RASL11B: variants seen among roughly 807,000 people sequenced by gnomAD.
The protein encoded by RASL11B is ras-like protein family member 11B.
RASL11B carries 14 observed loss-of-function variants against 22.9 expected under a neutral mutation model. That is an observed-to-expected ratio of 0.61 (90% CI 0.40 to 0.96). The LOEUF (loss-of-function observed/expected upper bound fraction) is 0.96, where lower values mean the gene tolerates loss of function less well. Ranked by LOEUF, RASL11B falls within the 40% of genes least tolerant of loss-of-function variation. RASL11B has a pLI of 0.00. For missense variants in RASL11B, 261 were observed against 322.0 expected (o/e 0.81, Z 1.45); for synonymous variants, 143 against 130.2 (o/e 1.10, Z -0.67).
At chr4:52,862,889 C>T (rs1718186311) in intron 1 of RASL11B, among the ~76,000 whole-genome samples, 1 of 152,230 alleles carries the variant, frequency 6.6e-6, no homozygotes, top group Non-Finnish European at 1.5e-5. Flanking sequence ...CCGGCACCGC[C>T]GCCATCAGAA....
chr4:52,862,965 CT>C (rs1718188959), intron 1 of RASL11B, among the ~76,000 whole-genome samples: 3 of 152,212 alleles, frequency 2.0e-5, no homozygotes, highest in Admixed American at 1.3e-4. Flanking sequence ...GCTAGCCCCC[CT>C]GGGAGGTCTT....
In RASL11B at chr4:52,862,579, C is replaced by A; in HGVS notation, c.72C>A (p.Cys24Ter). 6.2e-7 allele frequency: 1 copy of A among 1,602,850 alleles called. No individual in the cohort carries two copies. The highest frequency in any genetic ancestry group is 8.5e-7 in the Non-Finnish European group (1 of 1,176,896). Residue 24 changes from cysteine to a stop codon, truncating the protein, a stop_gained, in exon 1 of 4, where the codon TGC (cysteine) becomes TGA (stop). Coordinates refer to ENST00000248706, the MANE Select transcript of RASL11B (RefSeq NM_023940.3). LOFTEE classifies it high-confidence loss of function. ...PAPGNAAASD[C>*]CVGAAGRRLV... The stretch of plus-strand genomic sequence containing the variant: ...CGGGCAACGCCGCGGCCTCCGACTG[C>A]TGTGTGGGCGCCGCCGGCCGCCGCC...
chr4:52,862,492 C>T lies in RASL11B; in HGVS notation c.-16C>T, dbSNP rs2109425461. Reference sequence around the variant, plus strand: ...TCCCTCAGTCCCTTCCCGCGCGGTGCGCCGCAGCCGAGGCGATGCGCCTCA... The same window carrying T: ...TCCCTCAGTCCCTTCCCGCGCGGTGTGCCGCAGCCGAGGCGATGCGCCTCA... On this transcript the variant is annotated 5_prime_UTR_variant, in exon 1 of 4. Transcript: ENST00000248706. The T allele has an allele frequency of 1.2e-6, 2 of 1,600,526 alleles. No individual in the cohort carries two copies. Among genetic ancestry groups the T allele is most frequent in the East Asian group, 2.3e-5 (1 of 43,476 alleles).
intron 1 of RASL11B, among the ~76,000 whole-genome samples, chr4:52,862,935 C>T (rs533516133): frequency 4.1e-4 from 63 of 151,836 alleles, no homozygotes; most frequent in African/African-American, 1.5e-3. Context: ...ATGCCTGGCA[C>T]AGAAAGGGGA....
At position 52,866,112 on chromosome 4, in the gene RASL11B, ATGG is replaced by A. The variant is rs575210895; in HGVS notation, c.*312_*314del. The A allele has an allele frequency of 1.4e-3, 519 of 366,134 alleles. No homozygotes were observed. Among genetic ancestry groups the A allele is most frequent in the Non-Finnish European group, 2.0e-3 (403 of 200,704 alleles). 22.7% of individuals were successfully genotyped at this position (366,134 alleles called of 1,614,324 possible). A position where few individuals can be genotyped will look rare whatever the true frequency, so the allele number is the denominator to read the frequency against. ...GTTTCTGCATTCAACTACCTTGTAAATGGTGGTCCGTTGCAGTTTCACCAAATG... is the reference window on the plus strand; with the variant it reads ...GTTTCTGCATTCAACTACCTTGTAAATGGTCCGTTGCAGTTTCACCAAATG... On this transcript the variant is annotated 3_prime_UTR_variant, in exon 4 of 4. Coordinates refer to ENST00000248706, the MANE Select transcript of RASL11B (RefSeq NM_023940.3).
At chr4:52,863,675 C>A (rs955169854) in intron 2 of RASL11B, 8 of 224,504 alleles carry the variant, frequency 3.6e-5, no homozygotes, top group South Asian at 8.8e-5. Context: ...TCCCTAGCTC[C>A]TTCCCCCACC....
Position 52,865,713 on chromosome 4 carries a change from A to G in RASL11B, c.655A>G (p.Ile219Val), listed in dbSNP as rs758998396. 13 of 1,613,954 alleles carry G rather than the reference A, an allele frequency of 8.1e-6. No individual in the cohort carries two copies. Among genetic ancestry groups the G allele is most frequent in the African/African-American group, 1.3e-5 (1 of 74,898 alleles). ...STPEKRRTSLIPRPKSPNMQD... is the reference protein window; with the variant it reads ...STPEKRRTSLVPRPKSPNMQD... ...ACCCGAGAAGCGAAGAACCTCCCTC[A>G]TTCCCAGGCCCAAGTCACCCAACAT... The change falls in exon 4 of 4, where the codon ATT becomes GTT. Residue 219 changes from isoleucine (I) to valine (V), a missense_variant. Physicochemically the swap from Ile to Val is conservative, Grantham distance 29. Transcript: ENST00000248706.
In RASL11B at chr4:52,862,476, C is replaced by T; in HGVS notation, c.-32C>T. On this transcript the variant is annotated 5_prime_UTR_variant, in exon 1 of 4. Transcript: ENST00000248706. ...CGCTAGCATTCTCCAGTCCCTCAGT[C>T]CCTTCCCGCGCGGTGCGCCGCAGCC... is the stretch of plus-strand genomic sequence containing the variant. The T allele has an allele frequency of 6.3e-7, 1 of 1,599,072 alleles. No individual in the cohort carries two copies. The highest frequency in any genetic ancestry group is 8.5e-7 in the Non-Finnish European group (1 of 1,174,378).
rs199592636 is a variant in RASL11B at position 52,865,681 on chromosome 4, G to A, written c.623G>A (p.Ser208Asn). The A allele has an allele frequency of 6.2e-7, 1 of 1,614,166 alleles. No homozygotes were observed. The highest frequency in any genetic ancestry group is 2.2e-5 in the East Asian group (1 of 44,888). ...GAGGTCAGTCACAAACAGCAGCCTA[G>A]CAGTACACCCGAGAAGCGAAGAACC... ...CKEVSHKQQP[S>N]STPEKRRTSL... Residue 208 changes from serine (S) to asparagine (N), a missense_variant, in exon 4 of 4, where the codon AGC becomes AAC. Coordinates refer to ENST00000248706, the MANE Select transcript of RASL11B (RefSeq NM_023940.3).
rs1718170440 is a variant in RASL11B, at chr4:52,862,345, G to A, written c.-163G>A. ...CTGGGTCTGGAGCCTGAGCCCTGCGGAACCTCGGCGCTCGGCCCCACCCCG... is the reference window on the plus strand; with the variant it reads ...CTGGGTCTGGAGCCTGAGCCCTGCGAAACCTCGGCGCTCGGCCCCACCCCG... On this transcript the variant is annotated 5_prime_UTR_variant, in exon 1 of 4. Coordinates refer to ENST00000248706, the MANE Select transcript of RASL11B (RefSeq NM_023940.3). 1 of 695,170 alleles carries A rather than the reference G, an allele frequency of 1.4e-6. No individual in the cohort carries two copies. The highest frequency in any genetic ancestry group is 2.2e-6 in the Non-Finnish European group (1 of 452,766). The allele number at this position is 695,170 out of a possible 1,614,324, so 43.1% of individuals were successfully genotyped here. A position where few individuals can be genotyped will look rare whatever the true frequency, so the allele number is the denominator to read the frequency against.
chr4:52,865,383 C>A lies in RASL11B; in HGVS notation c.325C>A (p.Arg109Ser), dbSNP rs750534846. The A allele has an allele frequency of 6.2e-7, 1 of 1,614,110 alleles. No individual in the cohort carries two copies. The highest frequency in any genetic ancestry group is 8.5e-7 in the Non-Finnish European group (1 of 1,179,992). ...SCSEQLNRCI[R>S]WADAVVIVFS... ...CAGTGAACAGCTGAATAGGTGCATT[C>A]GCTGGGCAGATGCTGTGGTGATCGT... Residue 109 changes from arginine (R) to serine (S), a missense_variant, in exon 4 of 4, where the codon CGC becomes AGC. By Grantham distance (110) the Arg-to-Ser change is moderately radical. Transcript: ENST00000248706.
chr4:52,866,107 T>G lies in RASL11B; in HGVS notation c.*302T>G. The G allele has an allele frequency of 2.6e-6, 1 of 383,986 alleles. No individual in the cohort carries two copies. Among genetic ancestry groups the G allele is most frequent in the Non-Finnish European group, 4.7e-6 (1 of 211,666 alleles). The allele number at this position is 383,986 out of a possible 1,614,324, so 23.8% of individuals were successfully genotyped here. Reference sequence around the variant, plus strand: ...TTTCGGTTTCTGCATTCAACTACCTTGTAAATGGTGGTCCGTTGCAGTTTC... The same window carrying G: ...TTTCGGTTTCTGCATTCAACTACCTGGTAAATGGTGGTCCGTTGCAGTTTC... On this transcript the variant is annotated 3_prime_UTR_variant, in exon 4 of 4. Transcript: ENST00000248706.
In RASL11B at chr4:52,862,360, G is replaced by GC; in HGVS notation, c.-144dup. 3 of 688,874 alleles carry GC rather than the reference G, an allele frequency of 4.4e-6. No individual in the cohort carries two copies. Among genetic ancestry groups the GC allele is most frequent in the Non-Finnish European group, 6.6e-6 (3 of 454,512 alleles). 42.7% of individuals were successfully genotyped at this position (688,874 alleles called of 1,614,324 possible). Reference sequence around the variant, plus strand: ...GAGCCCTGCGGAACCTCGGCGCTCGGCCCCACCCCGCCCGTACCTGCACTT... The same window carrying GC: ...GAGCCCTGCGGAACCTCGGCGCTCGGCCCCCACCCCGCCCGTACCTGCACTT... On this transcript the variant is annotated 5_prime_UTR_variant, in exon 1 of 4. Coordinates refer to ENST00000248706, the MANE Select transcript of RASL11B (RefSeq NM_023940.3).
At chr4:52,863,057 C>T (rs938083283) in intron 1 of RASL11B, among the ~76,000 whole-genome samples, 2 of 152,070 alleles carry the variant, frequency 1.3e-5, no homozygotes, top group Admixed American at 6.5e-5. Context: ...GCCCAGTGAG[C>T]CTTCCAGCTG....
intron 2 of RASL11B, 148 bp from the exon 3 acceptor site, chr4:52,864,330 A>G (rs1718219407): frequency 1.8e-6 from 1 of 569,386 alleles, no homozygotes. Flanking sequence ...TTTAAAAAAA[A>G]TCTGAAGTAA....
In RASL11B at chr4:52,865,516, A is replaced by G. The variant is rs1489180221; in HGVS notation, c.458A>G (p.Lys153Arg). 1 of 1,614,178 alleles carries G rather than the reference A, an allele frequency of 6.2e-7. No individual in the cohort carries two copies. The highest frequency in any genetic ancestry group is 8.5e-7 in the Non-Finnish European group (1 of 1,180,028). ...CTGCCTGTGGTGGTCGTGGCCAACA[A>G]AGCTGACCTGTTGCACATCAAACAG... Reference protein sequence around the residue: ...TRLPVVVVANKADLLHIKQVD... With the variant: ...TRLPVVVVANRADLLHIKQVD... Residue 153 changes from lysine to arginine, a missense_variant, in exon 4 of 4, where the codon AAA (lysine) becomes AGA (arginine). Physicochemically the swap from Lys to Arg is conservative, Grantham distance 26. Transcript: ENST00000248706.
chr4:52,862,993 T>A (rs1480726348), intron 1 of RASL11B, among the ~76,000 whole-genome samples: 1 of 152,110 alleles, frequency 6.6e-6, no homozygotes, highest in African/African-American at 2.4e-5. Flanking sequence ...TAGGAAGACA[T>A]GGGTCTACTG....
At position 52,865,563 on chromosome 4, in the gene RASL11B, C is replaced by T. The variant is rs1377325281; in HGVS notation, c.505C>T (p.Gln169Ter). ...ACAGGTTGACCCTCAGCTTGGACTGCAGCTAGCCAGCATGCTAGGCTGCTC... is the reference window on the plus strand; with the variant it reads ...ACAGGTTGACCCTCAGCTTGGACTGTAGCTAGCCAGCATGCTAGGCTGCTC... ...IKQVDPQLGL[Q>*]LASMLGCSFY... The change falls in exon 4 of 4, where the codon CAG becomes TAG. Residue 169 changes from glutamine to a stop codon, truncating the protein, a stop_gained. Coordinates refer to ENST00000248706, the MANE Select transcript of RASL11B (RefSeq NM_023940.3). LOFTEE classifies it high-confidence loss of function. The T allele has an allele frequency of 6.2e-7, 1 of 1,614,180 alleles. No homozygotes were observed. The highest frequency in any genetic ancestry group is 8.5e-7 in the Non-Finnish European group (1 of 1,180,024).
chr4:52,865,783 T>C lies in RASL11B; in HGVS notation c.725T>C (p.Val242Ala), dbSNP rs1364903891. The change falls in exon 4 of 4, where the codon GTG (valine) becomes GCG (alanine). Residue 242 changes from valine (V) to alanine (A), a missense_variant. By Grantham distance (64) the Val-to-Ala change is moderately conservative (BLOSUM62 0). Coordinates refer to ENST00000248706, the MANE Select transcript of RASL11B (RefSeq NM_023940.3). ...RRFKQALSAK[V>A]RTVTSV Reference sequence around the variant, plus strand: ...TTTAAGCAAGCCCTCTCTGCCAAAGTGAGGACTGTCACCTCCGTCTGAAGC... The same window carrying C: ...TTTAAGCAAGCCCTCTCTGCCAAAGCGAGGACTGTCACCTCCGTCTGAAGC... 2 of 1,613,576 alleles carry C rather than the reference T, an allele frequency of 1.2e-6. No individual in the cohort carries two copies. Among genetic ancestry groups the C allele is most frequent in the Non-Finnish European group, 8.5e-7 (1 of 1,179,872 alleles).
Sources: allele counts gnomAD v4.1 joint callset (sites outside exome capture counted in the v4.1 genomes callset), GRCh38; gene constraint gnomAD v4.1.1; transcripts MANE v1.5; gene names NCBI Gene and HGNC (gene_info 2026-07-23, HGNC 2026-07-21).